ZC3HAV1L: variants seen among roughly 807,000 people sequenced by gnomAD.
The protein encoded by ZC3HAV1L is ZC3HAV1 like.
In ZC3HAV1L, 23 loss-of-function variants were observed where a neutral mutation model predicts 28.2. That is an observed-to-expected ratio of 0.82 (90% CI 0.59 to 1.16). The LOEUF is 1.16. ZC3HAV1L is among the 50% of genes most tolerant of loss of function. The pLI is 0.00. For synonymous variants in ZC3HAV1L, 180 were observed against 163.4 expected (o/e 1.10, Z -0.78); for missense variants, 376 against 387.7 (o/e 0.97, Z 0.25).
At position 139,026,422 on chromosome 7, in the gene ZC3HAV1L, G is replaced by A; in HGVS notation, c.*122C>T. On this transcript the variant is annotated 3_prime_UTR_variant, in exon 5 of 5. Coordinates refer to ENST00000275766, the MANE Select transcript of ZC3HAV1L (RefSeq NM_080660.4). Reference sequence around the variant, plus strand: ...GCTGCCATCTTCAGCACTTGCCCTGGACTAGCCCCATCTGCACTCAATTTT... The same window carrying A: ...GCTGCCATCTTCAGCACTTGCCCTGAACTAGCCCCATCTGCACTCAATTTT... The A allele has an allele frequency of 6.7e-7, 1 of 1,486,974 alleles. No homozygotes were observed. The highest frequency in any genetic ancestry group is 1.3e-5 in the South Asian group (1 of 74,868). 92.1% of individuals were successfully genotyped at this position (1,486,974 alleles called of 1,614,324 possible). A position where few individuals can be genotyped will look rare whatever the true frequency, so the allele number is the denominator to read the frequency against.
chr7:139,030,476 A>T (rs1815491762), intron 2 of ZC3HAV1L, among the ~76,000 whole-genome samples: 1 of 152,136 alleles, frequency 6.6e-6, no homozygotes, highest in East Asian at 1.9e-4. Context: ...CGGAGGTTGC[A>T]GTGAGCTGAG....
chr7:139,030,385 C>G (rs1815489347), intron 2 of ZC3HAV1L, among the ~76,000 whole-genome samples: 1 of 152,050 alleles, frequency 6.6e-6, no homozygotes, highest in Non-Finnish European at 1.5e-5. Flanking sequence ...GTGGAGGTTG[C>G]AGTGAGCCAA....
intron 3 of ZC3HAV1L, among the ~76,000 whole-genome samples, chr7:139,027,046 C>T (rs1163639802): frequency 6.6e-6 from 1 of 152,126 alleles, no homozygotes; most frequent in African/African-American, 2.4e-5. Flanking sequence ...ACAGGAGAGA[C>T]TCACCAAACG....
chr7:139,034,507 C>G, intron 2 of ZC3HAV1L, 36 bp downstream of exon 2: 1 of 1,605,680 alleles, frequency 6.2e-7, no homozygotes, highest in Non-Finnish European at 8.5e-7. Context: ...GTACTTGTAG[C>G]AAATGTGACA....
At chr7:139,027,320 G>A (rs903461867) in intron 3 of ZC3HAV1L, among the ~76,000 whole-genome samples, 1 of 152,152 alleles carries the variant, frequency 6.6e-6, no homozygotes, top group Admixed American at 6.5e-5. Flanking sequence ...AAATGTAACA[G>A]AATAAGTAAC....
intron 2 of ZC3HAV1L, chr7:139,033,779 G>C: frequency 1.0e-6 from 1 of 985,442 alleles, no homozygotes; most frequent in Non-Finnish European, 1.2e-6. Flanking sequence ...AAGGCAAATA[G>C]CAGCGGCACC....
Position 139,034,540 on chromosome 7 carries a change from C to T in ZC3HAV1L, c.501+3G>A. The T allele has an allele frequency of 6.2e-7, 1 of 1,614,016 alleles. No individual in the cohort carries two copies. The highest frequency in any genetic ancestry group is 2.2e-5 in the East Asian group (1 of 44,880). On this transcript the variant is annotated splice_donor_region_variant and intron_variant, in intron 2 of 4. Transcript: ENST00000275766. ...ACATGAGGGTGACTCCTTGGTGACT[C>T]ACCTCTGGTAAAAGACAGGGGTCAT... is the stretch of plus-strand genomic sequence containing the variant.
chr7:139,022,397 T>TA (rs146382220), downstream of ZC3HAV1L: 3,224 of 436,840 alleles, frequency 7.4e-3, 162 homozygotes, highest in East Asian at 0.14. Flanking sequence ...CCTAAAAAGA[T>TA]TAGCTGAGTA....
intron 2 of ZC3HAV1L, among the ~76,000 whole-genome samples, chr7:139,030,059 A>G (rs964727526): frequency 6.6e-5 from 10 of 152,192 alleles, no homozygotes; most frequent in African/African-American, 2.4e-4. Context: ...TTTTACTATG[A>G]AAGTCTGACA....
At chr7:139,025,168 A>T (rs975194492), downstream of ZC3HAV1L, among the ~76,000 whole-genome samples, 14 of 152,204 alleles carry the variant, frequency 9.2e-5, no homozygotes, top group Non-Finnish European at 1.9e-4. Context: ...CAAGAAATGA[A>T]GAGTAGACAG....
chr7:139,035,078 T>A (rs1815660590), intron 1 of ZC3HAV1L: 1 of 985,262 alleles, frequency 1.0e-6, no homozygotes, highest in African/African-American at 1.7e-5. Context: ...AATTCGGGGC[T>A]GTGAAGCACA....
chr7:139,030,123 T>C (rs373979474), intron 2 of ZC3HAV1L, among the ~76,000 whole-genome samples: 37 of 152,244 alleles, frequency 2.4e-4, no homozygotes, highest in South Asian at 1.2e-3. Context: ...ACCCTAACAA[T>C]GCTGCACACG....
Position 139,035,847 on chromosome 7 carries a change from C to T in ZC3HAV1L, c.171G>A (p.Gln57=), listed in dbSNP as rs886728556. Residue 57 remains glutamine, a synonymous_variant, in exon 1 of 5, where the codon CAG becomes CAA. Coordinates refer to ENST00000275766, the MANE Select transcript of ZC3HAV1L (RefSeq NM_080660.4). ...ERFLLQEVET[Q]EGLGDAEAEA... is the part of the protein sequence containing the mutation. ...CGGCCTCCGCGTCCCCGAGGCCCTC[C>T]TGCGTCTCCACCTCCTGCAGCAGGA... 13 of 1,500,810 alleles carry T rather than the reference C, an allele frequency of 8.7e-6. No homozygotes were observed. The African/African-American group carries it at 1.9e-4, about 22-fold the overall frequency. The allele number at this position is 1,500,810 out of a possible 1,614,324, so 93.0% of individuals were successfully genotyped here. A position where few individuals can be genotyped will look rare whatever the true frequency, so the allele number is the denominator to read the frequency against.
In ZC3HAV1L at chr7:139,028,834, A is replaced by C; in HGVS notation, c.628T>G (p.Ser210Ala). The C allele has an allele frequency of 6.2e-7, 1 of 1,614,122 alleles. No individual in the cohort carries two copies. The highest frequency in any genetic ancestry group is 1.1e-5 in the South Asian group (1 of 91,080). The part of the protein sequence containing the change: ...GECKLQTCKR[S>A]HQLIHAASLK... Reference sequence around the variant, plus strand: ...GATGCAGCATGGATAAGCTGATGGGACCGTTTGCAGGTCTGAAGTTTGCAT... The same window carrying C: ...GATGCAGCATGGATAAGCTGATGGGCCCGTTTGCAGGTCTGAAGTTTGCAT... Residue 210 changes from serine to alanine, a missense_variant, in exon 3 of 5, where the codon TCC (serine) becomes GCC (alanine). Coordinates refer to ENST00000275766, the MANE Select transcript of ZC3HAV1L (RefSeq NM_080660.4).
chr7:139,022,133 C>A (rs1266389995), downstream of ZC3HAV1L, among the ~76,000 whole-genome samples: 1 of 152,072 alleles, frequency 6.6e-6, no homozygotes, highest in Non-Finnish European at 1.5e-5. Context: ...GAATTATAAT[C>A]ATAAATGTAA....
At chr7:139,030,445 A>AAAAAT (rs1248512060) in intron 2 of ZC3HAV1L, among the ~76,000 whole-genome samples, 1 of 152,082 alleles carries the variant, frequency 6.6e-6, no homozygotes, top group Non-Finnish European at 1.5e-5. Context: ...ACTCCGTCTT[A>AAAAAT]AAAATAAAAT....
At chr7:139,034,913 G>A (rs1584823566) in intron 1 of ZC3HAV1L, 4 of 985,420 alleles carry the variant, frequency 4.1e-6, no homozygotes, top group South Asian at 4.7e-5. Context: ...GCCAAGGGTC[G>A]CCCACCTCGC....
chr7:139,033,533 CAT>C (rs528266332), intron 2 of ZC3HAV1L, among the ~76,000 whole-genome samples: 2 of 152,178 alleles, frequency 1.3e-5, no homozygotes, highest in Admixed American at 1.3e-4. Context: ...TTTTGTGCCA[CAT>C]GTCACCTACT....
At chr7:139,023,855 G>T (rs1465589205), downstream of ZC3HAV1L, among the ~76,000 whole-genome samples, 1 of 152,120 alleles carries the variant, frequency 6.6e-6, no homozygotes, top group Non-Finnish European at 1.5e-5. Flanking sequence ...GTATGTACAG[G>T]GTGGAAAGAA....
Sources: allele counts gnomAD v4.1 joint callset (sites outside exome capture counted in the v4.1 genomes callset), GRCh38; gene constraint gnomAD v4.1.1; transcripts MANE v1.5; gene names NCBI Gene and HGNC (gene_info 2026-07-23, HGNC 2026-07-21).